SEMA3E: variants seen among roughly 807,000 people sequenced by gnomAD.
SEMA3E encodes the protein semaphorin 3E.
Under a neutral mutation model 93.6 loss-of-function variants are expected in SEMA3E, and 49 were observed. The ratio of observed to expected loss-of-function variants is 0.52; its 90% confidence interval spans 0.42 to 0.66. The LOEUF (loss-of-function observed/expected upper bound fraction) is 0.66, where lower values mean the gene tolerates loss of function less well. Ranked by LOEUF, SEMA3E falls within the 30% of genes least tolerant of loss-of-function variation. The pLI is 0.00. For synonymous variants in SEMA3E, 363 were observed against 330.7 expected, an observed-to-expected ratio of 1.10 and a Z score of -1.06; for missense variants, 906 against 964.8, an observed-to-expected ratio of 0.94 and a Z score of 0.81.
At chr7:83,409,539 A>G (rs1165371599) in intron 5 of SEMA3E, among the ~76,000 whole-genome samples, 1 of 152,202 alleles carries the variant, frequency 6.6e-6, no homozygotes, top group African/African-American at 2.4e-5. Flanking sequence ...TGATTATTAT[A>G]TTACATAGTA....
chr7:83,604,368 T>G (rs552340584), intron 1 of SEMA3E, among the ~76,000 whole-genome samples: 1 of 151,826 alleles, frequency 6.6e-6, no homozygotes, highest in African/African-American at 2.4e-5. Flanking sequence ...CTGACTAAAT[T>G]TAGGTAGAAA....
At chr7:83,502,147 T>C (rs901324819) in intron 1 of SEMA3E, among the ~76,000 whole-genome samples, 28 of 152,198 alleles carry the variant, frequency 1.8e-4, no homozygotes, top group African/African-American at 6.5e-4. Context: ...TCTTCTTTCT[T>C]GAGTGCCACA....
intron 1 of SEMA3E, among the ~76,000 whole-genome samples, chr7:83,611,340 TATATA>T (rs1793255853): frequency 6.9e-6 from 1 of 144,562 alleles, no homozygotes; most frequent in Non-Finnish European, 1.5e-5. Flanking sequence ...ATTTATATAT[TATATA>T]TAATATATGT....
intron 1 of SEMA3E, among the ~76,000 whole-genome samples, chr7:83,576,423 TA>T (rs1485103586): frequency 1.3e-5 from 2 of 152,118 alleles, no homozygotes; most frequent in African/African-American, 4.8e-5. Context: ...TTTCTGTTTC[TA>T]AAAAGACTTC....
intron 1 of SEMA3E, among the ~76,000 whole-genome samples, chr7:83,624,124 A>G (rs1039382464): frequency 8.5e-5 from 13 of 152,088 alleles, no homozygotes; most frequent in Non-Finnish European, 1.6e-4. Flanking sequence ...CAGTCTCTCC[A>G]TGATGGACAT....
In SEMA3E at chr7:83,466,611, G is replaced by GA. The variant is rs536827692; in HGVS notation, c.337-11dup. The stretch of plus-strand genomic sequence containing the variant: ...AATTTGCACATTCACCCTAAAGCAG[G>GA]AAAAAAAGGGAAGGAATCTATCAGT... On this transcript the variant is annotated splice_polypyrimidine_tract_variant and intron_variant, in intron 3 of 16. Transcript: ENST00000643230. The GA allele has an allele frequency of 3.4e-5, 54 of 1,609,966 alleles. No individual in the cohort carries two copies. Among genetic ancestry groups the GA allele is most frequent in the African/African-American group, 4.0e-5 (3 of 74,762 alleles).
intron 16 of SEMA3E, among the ~76,000 whole-genome samples, chr7:83,381,658 C>T (rs1285291143): frequency 1.3e-5 from 2 of 151,824 alleles, no homozygotes; most frequent in Non-Finnish European, 2.9e-5. Flanking sequence ...ATAGTAAGTG[C>T]TTAATAAATA....
intron 1 of SEMA3E, among the ~76,000 whole-genome samples, chr7:83,566,163 ATT>A (rs1231214789): frequency 2.3e-4 from 30 of 128,656 alleles, no homozygotes; most frequent in South Asian, 5.0e-4. Flanking sequence ...ACACCTGGCT[ATT>A]TTTTTTTTTT....
rs147935399 is a variant in SEMA3E at position 83,390,033 on chromosome 7, A to G, written c.1667+2522T>C. 3.2e-3 allele frequency among the ~76,000 whole-genome samples: 458 copies of G among 141,468 alleles called. 25 individuals are homozygous for G. Among genetic ancestry groups the G allele is most frequent in the African/African-American group, 0.011 (389 of 36,076 alleles). The allele number at this position is 141,468 out of a possible 152,430, so 92.8% of individuals were successfully genotyped here. On this transcript the variant is annotated intron_variant, in intron 14 of 16. Coordinates refer to ENST00000643230, the MANE Select transcript of SEMA3E (RefSeq NM_012431.3). ...TATATACGCGTATATGTGTATACGTATACACATATATGCGCGTATACGTGT... is the reference window on the plus strand; with the variant it reads ...TATATACGCGTATATGTGTATACGTGTACACATATATGCGCGTATACGTGT...
chr7:83,400,400 T>G, intron 10 of SEMA3E, 150 bp from the exon 11 acceptor site: 1 of 747,988 alleles, frequency 1.3e-6, no homozygotes, highest in Non-Finnish European at 2.2e-6. Context: ...TTTTTCTTTT[T>G]TTTTAACTTT....
chr7:83,566,024 T>G, intron 1 of SEMA3E, among the ~76,000 whole-genome samples: 2 of 111,396 alleles, frequency 1.8e-5, no homozygotes, highest in African/African-American at 3.9e-5. Flanking sequence ...TGAGATGGAG[T>G]CTCACTCTGT....
chr7:83,367,509 A>G lies in SEMA3E; in HGVS notation c.*77T>C. 7.0e-7 allele frequency: 1 copy of G among 1,422,944 alleles called. No homozygotes were observed. The highest frequency in any genetic ancestry group is 2.3e-5 in the East Asian group (1 of 43,986). The allele number at this position is 1,422,944 out of a possible 1,614,324, so 88.1% of individuals were successfully genotyped here. ...AAATCTCTTTTAAGTAATGCAAAGA[A>G]GTTGGATGATTTATTTTTTTACTTT... On this transcript the variant is annotated 3_prime_UTR_variant, in exon 17 of 17. Coordinates refer to ENST00000643230, the MANE Select transcript of SEMA3E (RefSeq NM_012431.3).
At chr7:83,431,385 T>C (rs1788880956) in intron 4 of SEMA3E, among the ~76,000 whole-genome samples, 4 of 152,020 alleles carry the variant, frequency 2.6e-5, no homozygotes, top group Admixed American at 6.6e-5. Context: ...ATATCTTAAT[T>C]TGAGTTGGAA....
At chr7:83,592,007 T>C (rs528384570) in intron 1 of SEMA3E, among the ~76,000 whole-genome samples, 5 of 152,188 alleles carry the variant, frequency 3.3e-5, no homozygotes, top group African/African-American at 9.6e-5. Context: ...CTTATAAGTG[T>C]AATGTTTTGT....
intron 2 of SEMA3E, among the ~76,000 whole-genome samples, chr7:83,486,418 G>T (rs1790256563): frequency 6.6e-6 from 1 of 151,952 alleles, no homozygotes; most frequent in African/African-American, 2.4e-5. Context: ...CAACGGGAGA[G>T]ATTTAAAAAA....
intron 1 of SEMA3E, among the ~76,000 whole-genome samples, chr7:83,617,562 A>C (rs1793404497): frequency 6.8e-6 from 1 of 146,690 alleles, no homozygotes; most frequent in Non-Finnish European, 1.5e-5. Context: ...ATTTTATATA[A>C]ATTTTATATA....
At chr7:83,434,250 T>C (rs988108823) in intron 4 of SEMA3E, among the ~76,000 whole-genome samples, 1 of 152,096 alleles carries the variant, frequency 6.6e-6, no homozygotes, top group African/African-American at 2.4e-5. Flanking sequence ...AACCTGCAAA[T>C]TGGCTCCCTG....
In SEMA3E at chr7:83,466,518, T is replaced by A. The variant is rs760432315; in HGVS notation, c.420A>T (p.Pro140=). The A allele has an allele frequency of 1.9e-6, 3 of 1,614,026 alleles. No individual in the cohort carries two copies. Among genetic ancestry groups the A allele is most frequent in the East Asian group, 2.2e-5 (1 of 44,862 alleles). ...ATCCAACTCTGATGAAGGCACAAAC[T>A]GGATCAAAAGCTCCAGTACCACAGG... ...LLTCGTGAFD[P]VCAFIRVGYH... Residue 140 remains proline (P), a synonymous_variant, in exon 4 of 17, where the codon CCA becomes CCT. Coordinates refer to ENST00000643230, the MANE Select transcript of SEMA3E (RefSeq NM_012431.3).
At chr7:83,606,074 G>A (rs528761788) in intron 1 of SEMA3E, among the ~76,000 whole-genome samples, 95 of 152,174 alleles carry the variant, frequency 6.2e-4, no homozygotes, top group African/African-American at 2.0e-3. Context: ...TTACCCTTCC[G>A]TAAGCAGCAA....
Sources: allele counts gnomAD v4.1 joint callset (sites outside exome capture counted in the v4.1 genomes callset), GRCh38; gene constraint gnomAD v4.1.1; transcripts MANE v1.5; gene names NCBI Gene and HGNC (gene_info 2026-07-23, HGNC 2026-07-21).